Variants in ASPH observed in about 807,000 individuals in gnomAD.
ASPH encodes the protein aspartate beta-hydroxylase.
In ASPH, 100 loss-of-function variants were observed where a neutral mutation model predicts 118.4. That is an observed-to-expected ratio of 0.84 (90% CI 0.72 to 1.00). The LOEUF (loss-of-function observed/expected upper bound fraction) is 1.00. Among genes scored for constraint, ASPH ranks in the 50% least tolerant of loss-of-function variants. ASPH has a pLI of 0.00. For synonymous variants in ASPH, 315 were observed against 325.6 expected, an observed-to-expected ratio of 0.97 and a Z score of 0.35; for missense variants, 920 against 919.5, an observed-to-expected ratio of 1.00 and a Z score of -0.01.
chr8:61,647,965 T>C (rs187260294), intron 5 of ASPH, among the ~76,000 whole-genome samples: 4 of 152,140 alleles, frequency 2.6e-5, no homozygotes, highest in Admixed American at 6.5e-5. Flanking sequence ...CTCCTGTGTA[T>C]AATACTCTAA....
chr8:61,579,246 G>C, intron 15 of ASPH: 1 of 1,614,002 alleles, frequency 6.2e-7, no homozygotes. Flanking sequence ...GCAGCGTGGA[G>C]AGCTGGCCAT....
intron 3 of ASPH, chr8:61,663,882 T>C (rs2151320055): frequency 9.5e-6 from 9 of 945,572 alleles, no homozygotes; most frequent in Non-Finnish European, 1.0e-5. Flanking sequence ...AGGTGTACAA[T>C]ACATTTAGAA....
intron 15 of ASPH, chr8:61,579,463 C>G: frequency 6.2e-7 from 1 of 1,606,586 alleles, no homozygotes; most frequent in South Asian, 1.1e-5. Context: ...CATACGAAGA[C>G]CACCAGCGGC....
chr8:61,674,164 T>C (rs1394506666), intron 3 of ASPH, among the ~76,000 whole-genome samples: 1 of 152,220 alleles, frequency 6.6e-6, no homozygotes, highest in Non-Finnish European at 1.5e-5. Flanking sequence ...ACAAATAAGA[T>C]TCCTTTAAAA....
chr8:61,629,664 C>G (rs959069581), intron 13 of ASPH, among the ~76,000 whole-genome samples: 4 of 152,226 alleles, frequency 2.6e-5, no homozygotes, highest in Non-Finnish European at 4.4e-5. Flanking sequence ...ACTTACTTTT[C>G]TACTATACAT....
intron 3 of ASPH, among the ~76,000 whole-genome samples, chr8:61,668,627 C>T (rs1820881596): frequency 6.6e-6 from 1 of 152,120 alleles, no homozygotes; most frequent in Non-Finnish European, 1.5e-5. Context: ...ATTAAAAATA[C>T]TAGAGTGAAG....
Position 61,651,088 on chromosome 8 carries a change from AT to A in ASPH, c.451del (p.Ile151PhefsTer42), listed in dbSNP as rs1810743865. 6.2e-7 allele frequency: 1 copy of A among 1,613,680 alleles called. No individual in the cohort carries two copies. Among genetic ancestry groups the A allele is most frequent in the South Asian group, 1.1e-5 (1 of 91,068 alleles). On this transcript the variant is annotated frameshift_variant, in exon 5 of 25. Coordinates refer to ENST00000379454, the MANE Select transcript of ASPH (RefSeq NM_004318.4). LOFTEE classifies it high-confidence loss of function. ...TACCATTTCATGGAGAAGGGACTGAATTTGTTCTTTTGCTTCATCTTCGATA... is the reference window on the plus strand; with the variant it reads ...TACCATTTCATGGAGAAGGGACTGAATTGTTCTTTTGCTTCATCTTCGATA... ...QNIEDEAKEQ[I>X]QSLLHEMVHA...
chr8:61,534,750 G>A (rs570288390), intron 21 of ASPH, among the ~76,000 whole-genome samples: 22 of 152,318 alleles, frequency 1.4e-4, no homozygotes, highest in East Asian at 7.7e-4. Flanking sequence ...GGACCATTCC[G>A]AGAAAAGTTT....
chr8:61,547,035 C>T (rs1824131781), intron 21 of ASPH, among the ~76,000 whole-genome samples: 1 of 152,188 alleles, frequency 6.6e-6, no homozygotes, highest in Non-Finnish European at 1.5e-5. Flanking sequence ...AGGTCAAAAC[C>T]CTGAAGCCAT....
At chr8:61,524,634 G>A (rs372985252) in intron 22 of ASPH, among the ~76,000 whole-genome samples, 1 of 152,110 alleles carries the variant, frequency 6.6e-6, no homozygotes, top group African/African-American at 2.4e-5. Flanking sequence ...CCACCTATGT[G>A]AAAATGTAGA....
At position 61,707,076 on chromosome 8, in the gene ASPH, A is replaced by G. The variant is rs1589358157; in HGVS notation, c.103+7193T>C. 4.6e-5 allele frequency among the ~76,000 whole-genome samples: 7 copies of G among 152,330 alleles called. No homozygotes were observed. The South Asian group carries it at 1.5e-3, about 32-fold the overall frequency. ...ACATCTGTGTTATGTGTCTTACAAAAAGTATAAAGGTGTGAACCACAAAGT... is the reference window on the plus strand; with the variant it reads ...ACATCTGTGTTATGTGTCTTACAAAGAGTATAAAGGTGTGAACCACAAAGT... On this transcript the variant is annotated intron_variant, in intron 1 of 24. Coordinates refer to ENST00000379454, the MANE Select transcript of ASPH (RefSeq NM_004318.4).
intron 14 of ASPH, among the ~76,000 whole-genome samples, chr8:61,613,232 T>C (rs375132507): frequency 6.6e-6 from 1 of 152,184 alleles, no homozygotes; most frequent in East Asian, 1.9e-4. Context: ...ATAATATGAG[T>C]AGTCCTGATC....
chr8:61,558,644 C>G (rs1292640171), intron 18 of ASPH, among the ~76,000 whole-genome samples: 1 of 152,204 alleles, frequency 6.6e-6, no homozygotes, highest in African/African-American at 2.4e-5. Flanking sequence ...GGCTCAGGCC[C>G]CAGGGCAGCT....
chr8:61,534,027 A>C (rs1818559712), intron 21 of ASPH, among the ~76,000 whole-genome samples: 1 of 152,100 alleles, frequency 6.6e-6, no homozygotes, highest in African/African-American at 2.4e-5. Flanking sequence ...GGCTCACCAC[A>C]ACCTCTGCCT....
At chr8:61,691,685 G>C (rs528442012) in intron 1 of ASPH, among the ~76,000 whole-genome samples, 1 of 152,090 alleles carries the variant, frequency 6.6e-6, no homozygotes, top group Admixed American at 6.5e-5. Context: ...TTTGCTTCAC[G>C]GCTTCTCCAT....
intron 14 of ASPH, among the ~76,000 whole-genome samples, chr8:61,592,391 T>C (rs761977509): frequency 6.6e-6 from 1 of 152,238 alleles, no homozygotes; most frequent in Middle Eastern, 3.2e-3. Context: ...GCAGAGATTT[T>C]GGGCAACTAA....
At chr8:61,658,342 A>T (rs984770449) in intron 3 of ASPH, 1 of 152,260 alleles carries the variant, frequency 6.6e-6, no homozygotes, top group African/African-American at 2.4e-5. Context: ...CATAAATTAC[A>T]AAAGAATTAA....
chr8:61,577,417 A>AAAAAAAG (rs1835656211), intron 15 of ASPH, among the ~76,000 whole-genome samples: 2 of 149,484 alleles, frequency 1.3e-5, no homozygotes, highest in Non-Finnish European at 1.5e-5. Flanking sequence ...AAAAAAAAAA[A>AAAAAAAG]AAAAAAGACA....
intron 3 of ASPH, among the ~76,000 whole-genome samples, chr8:61,672,522 T>A (rs181557576): frequency 0.035 from 5,279 of 151,018 alleles, 216 homozygotes; most frequent in South Asian, 0.2. Context: ...CCAGTTTTTT[T>A]TAAAAAAAAA....
Sources: gnomAD v4.1 joint callset for allele counts (sites outside exome capture counted in the v4.1 genomes callset) on GRCh38, gnomAD v4.1.1 for gene constraint, MANE v1.5 for transcripts, NCBI Gene and HGNC (gene_info 2026-07-23, HGNC 2026-07-21) for gene names.